The following RASEF variants were observed in gnomAD, a reference collection of about 807,000 sequenced individuals.
RASEF encodes the protein ras and EF-hand domain-containing protein.
RASEF carries 68 observed loss-of-function variants against 90.1 expected under a neutral mutation model. The ratio of observed to expected loss-of-function variants is 0.75; its 90% CI spans 0.62 to 0.92. RASEF has a LOEUF of 0.92. RASEF is among the 40% of genes least tolerant of loss of function. RASEF has a pLI of 0.00. For missense variants in RASEF, 949 were observed against 937.2 expected, an observed-to-expected ratio of 1.01 and a Z score of -0.16; for synonymous variants, 331 against 345.2, an observed-to-expected ratio of 0.96 and a Z score of 0.46.
the RASEF span, among the ~76,000 whole-genome samples, chr9:83,072,198 CA>C: frequency 8.5e-5 from 13 of 152,284 alleles, no homozygotes; most frequent in African/African-American, 3.1e-4. Flanking sequence ...ACCTTCCATA[CA>C]GAGATTAGGC....
chr9:83,090,959 G>C, the RASEF span, among the ~76,000 whole-genome samples: 1 of 151,994 alleles, frequency 6.6e-6, no homozygotes, highest in Non-Finnish European at 1.5e-5. Flanking sequence ...TGAAGTCTCT[G>C]CTCAGTTAGC....
At chr9:83,185,786 C>A in the RASEF span, among the ~76,000 whole-genome samples, 1 of 152,116 alleles carries the variant, frequency 6.6e-6, no homozygotes, top group Non-Finnish European at 1.5e-5. Flanking sequence ...ATCTCAGGTG[C>A]CCAGAGGAAC....
chr9:83,181,095 T>G, the RASEF span, among the ~76,000 whole-genome samples: 1 of 149,608 alleles, frequency 6.7e-6, no homozygotes, highest in African/African-American at 2.5e-5. Context: ...TGTGTTCTAA[T>G]TTTGAGAAGT....
At chr9:83,111,477 TAAGA>T in the RASEF span, among the ~76,000 whole-genome samples, 1 of 152,152 alleles carries the variant, frequency 6.6e-6, no homozygotes, top group Non-Finnish European at 1.5e-5. Context: ...TGAAATTTTC[TAAGA>T]AAGTAGATTT....
chr9:83,076,685 C>G, the RASEF span, among the ~76,000 whole-genome samples: 1 of 151,998 alleles, frequency 6.6e-6, no homozygotes, highest in Non-Finnish European at 1.5e-5. Context: ...CTAAAAAGGC[C>G]CAGAGTGCCC....
chr9:83,006,632 G>A lies in RASEF; in HGVS notation c.1028+805C>T, dbSNP rs1255093823. 2.0e-5 allele frequency among the ~76,000 whole-genome samples: 3 copies of A among 152,104 alleles called. No individual in the cohort carries two copies. In the East Asian group the frequency reaches 5.8e-4, roughly 29 times the overall value. Reference sequence around the variant, plus strand: ...AGGTTTTGTGGGGAAGACCTTCAGAGGATGGAACTGCTATAACCTAGTCAT... The same window carrying A: ...AGGTTTTGTGGGGAAGACCTTCAGAAGATGGAACTGCTATAACCTAGTCAT... On this transcript the variant is annotated intron_variant, in intron 7 of 16. Transcript: ENST00000376447.
chr9:83,132,815 C>T, the RASEF span, among the ~76,000 whole-genome samples: 1 of 152,146 alleles, frequency 6.6e-6, no homozygotes, highest in Non-Finnish European at 1.5e-5. Flanking sequence ...TCTCTCTTTC[C>T]AGTGATCTGA....
chr9:83,182,419 A>T, the RASEF span, among the ~76,000 whole-genome samples: 1 of 152,210 alleles, frequency 6.6e-6, no homozygotes, highest in Non-Finnish European at 1.5e-5. Context: ...TCTTCCTTTG[A>T]CTAGATCATC....
At chr9:83,180,788 C>T in the RASEF span, among the ~76,000 whole-genome samples, 3 of 151,934 alleles carry the variant, frequency 2.0e-5, no homozygotes, top group African/African-American at 7.3e-5. Context: ...GGGAGAAATG[C>T]TTCTCCAAAG....
At chr9:83,176,661 T>C in the RASEF span, among the ~76,000 whole-genome samples, 1 of 151,894 alleles carries the variant, frequency 6.6e-6, no homozygotes, top group African/African-American at 2.4e-5. Flanking sequence ...TTGGTGGTTA[T>C]TTTAGTGTTT....
the RASEF span, among the ~76,000 whole-genome samples, chr9:83,097,857 G>A: frequency 5.9e-5 from 9 of 152,136 alleles, no homozygotes; most frequent in East Asian, 1.9e-4. Context: ...CGTCGTCATC[G>A]TCATATTTAT....
chr9:83,209,366 T>C, the RASEF span, among the ~76,000 whole-genome samples: 1 of 152,246 alleles, frequency 6.6e-6, no homozygotes. Context: ...GTCTGCTTCA[T>C]TCTGTGGAGA....
chr9:83,198,833 TGGGGGG>T, the RASEF span, among the ~76,000 whole-genome samples: 9 of 115,742 alleles, frequency 7.8e-5, no homozygotes, highest in South Asian at 1.2e-3. Context: ...ATAAATAGAA[TGGGGGG>T]GAGGGATAAA....
At position 82,992,990 on chromosome 9, in the gene RASEF, T is replaced by C. The variant is rs1446571926; in HGVS notation, c.1956A>G (p.Val652=). Residue 652 remains valine, a synonymous_variant, in exon 15 of 17, where the codon GTA becomes GTG. Transcript: ENST00000376447. ...AAHETVPIML[V]GNKADIRDTA... Reference sequence around the variant, plus strand: ...TGTCACGAATGTCAGCCTTGTTTCCTACCAGCATAATGGGAACAGTCTCAT... The same window carrying C: ...TGTCACGAATGTCAGCCTTGTTTCCCACCAGCATAATGGGAACAGTCTCAT... 2.5e-6 allele frequency: 4 copies of C among 1,613,812 alleles called. No individual in the cohort carries two copies. The South Asian group carries it at 4.4e-5, about 18-fold the overall frequency.
intron 13 of RASEF, 58 bp from the exon 14 acceptor site, chr9:82,997,184 T>C: frequency 1.9e-6 from 2 of 1,063,778 alleles, no homozygotes; most frequent in Non-Finnish European, 2.9e-6. Flanking sequence ...CTTCTTCTCT[T>C]TTATGCTCAT....
intron 1 of RASEF, chr9:83,048,312 AGGGGTG>A: frequency 1.0e-6 from 1 of 985,372 alleles, no homozygotes; most frequent in Non-Finnish European, 1.2e-6. Context: ...TCTGTGGTAG[AGGGGTG>A]GAAACTCCCT....
At chr9:83,116,799 GA>G in the RASEF span, among the ~76,000 whole-genome samples, 2,088 of 152,206 alleles carry the variant, frequency 0.014, 52 homozygotes, top group African/African-American at 0.047. Context: ...GGATTTGGGG[GA>G]AAAATCATTA....
chr9:83,104,072 G>A, the RASEF span, among the ~76,000 whole-genome samples: 14 of 152,080 alleles, frequency 9.2e-5, no homozygotes, highest in East Asian at 1.3e-3. Flanking sequence ...GGTGCCAAGC[G>A]ATGAAAGAAT....
chr9:83,049,529 C>CTTTTTTTTTTTTTTTTTTTTT (rs10687615), intron 1 of RASEF, among the ~76,000 whole-genome samples: 2 of 99,084 alleles, frequency 2.0e-5, no homozygotes, highest in African/African-American at 4.3e-5. Flanking sequence ...TTCTGCCTTC[C>CTTTTTTTTTTTTTTTTTTTTT]TTTTTTTTTT....
Sources: gnomAD v4.1 joint callset for allele counts (sites outside exome capture counted in the v4.1 genomes callset) on GRCh38, gnomAD v4.1.1 for gene constraint, MANE v1.5 for transcripts, NCBI Gene and HGNC (gene_info 2026-07-23, HGNC 2026-07-21) for gene names.